The following MICU1 variants were observed in gnomAD, a reference collection of about 807,000 sequenced individuals.
MICU1 encodes calcium uptake protein 1, mitochondrial.
MICU1 carries 45 observed loss-of-function variants against 56.8 expected under a neutral mutation model. The ratio of observed to expected loss-of-function variants is 0.79; its 90% CI spans 0.62 to 1.02. MICU1 has a LOEUF of 1.02. Ranked by LOEUF, MICU1 falls within the 50% of genes least tolerant of loss-of-function variation. The pLI, the probability that MICU1 is intolerant of heterozygous loss-of-function variation, is 0.00. For synonymous variants in MICU1, 186 were observed against 195.1 expected (o/e 0.95, Z 0.39); for missense variants, 504 against 587.1 (o/e 0.86, Z 1.46).
At chr10:72,449,980 G>A (rs199517219) in intron 8 of MICU1, among the ~76,000 whole-genome samples, 3 of 152,120 alleles carry the variant, frequency 2.0e-5, no homozygotes, top group Non-Finnish European at 1.5e-5. Flanking sequence ...CCAGGCTTTC[G>A]TCCACATCTG....
At position 72,434,745 on chromosome 10, in the gene MICU1, C is replaced by T. The variant is rs536249284; in HGVS notation, c.934-11374G>A. 2.6e-5 allele frequency among the ~76,000 whole-genome samples: 4 copies of T among 152,326 alleles called. No homozygotes were observed. In the East Asian group the frequency reaches 5.8e-4, roughly 22 times the overall value. On this transcript the variant is annotated intron_variant, in intron 8 of 11. Transcript: ENST00000361114. ...TTTCTCTCACCTGAGTGCCAGTTTG[C>T]TTTCCTCTAACTCCATCAAAGAGCA...
intron 8 of MICU1, among the ~76,000 whole-genome samples, chr10:72,454,503 C>T (rs1369933528): frequency 2.0e-5 from 3 of 150,506 alleles, no homozygotes; most frequent in Non-Finnish European, 3.0e-5. Context: ...TAGTCATGGG[C>T]CAGGCACGGT....
At chr10:72,507,137 T>C (rs1487228943) in intron 6 of MICU1, among the ~76,000 whole-genome samples, 1 of 151,928 alleles carries the variant, frequency 6.6e-6, no homozygotes, top group African/African-American at 2.4e-5. Flanking sequence ...AAGAGAGGGT[T>C]ATTTTTGTTT....
chr10:72,603,063 T>A (rs1422816047), intron 1 of MICU1, among the ~76,000 whole-genome samples: 1 of 151,986 alleles, frequency 6.6e-6, no homozygotes, highest in Non-Finnish European at 1.5e-5. Flanking sequence ...AATGAGATCC[T>A]GTCTTGCAGT....
intron 8 of MICU1, among the ~76,000 whole-genome samples, chr10:72,440,772 C>G (rs1864895097): frequency 6.6e-6 from 1 of 152,090 alleles, no homozygotes; most frequent in Non-Finnish European, 1.5e-5. Flanking sequence ...AAGAAGACAT[C>G]TATACAGCCA....
rs180809939 is a variant in MICU1, at chr10:72,460,498, C to T, written c.933+14602G>A. 3.4e-4 allele frequency among the ~76,000 whole-genome samples: 52 copies of T among 152,178 alleles called. No homozygotes were observed. In the Middle Eastern group the frequency reaches 0.014, roughly 40 times the overall value. Reference sequence around the variant, plus strand: ...ATTATGGGTGGGGAGGGAGAAAAGGCATCCAATAATAAGAAAAATAATGAG... The same window carrying T: ...ATTATGGGTGGGGAGGGAGAAAAGGTATCCAATAATAAGAAAAATAATGAG... On this transcript the variant is annotated intron_variant, in intron 8 of 11. Coordinates refer to ENST00000361114, the MANE Select transcript of MICU1 (RefSeq NM_001195518.2).
chr10:72,484,488 G>C (rs1367631657), intron 6 of MICU1, among the ~76,000 whole-genome samples: 1 of 152,046 alleles, frequency 6.6e-6, no homozygotes, highest in Non-Finnish European at 1.5e-5. Flanking sequence ...GTTGTATCAT[G>C]ATTCTCCACA....
chr10:72,488,069 G>C (rs774230291), intron 6 of MICU1, among the ~76,000 whole-genome samples: 1 of 151,806 alleles, frequency 6.6e-6, no homozygotes, highest in Non-Finnish European at 1.5e-5. Flanking sequence ...GGTGGCACAT[G>C]CCTGTAATCC....
chr10:72,385,392 A>C (rs1274495214), intron 10 of MICU1, among the ~76,000 whole-genome samples: 1 of 152,072 alleles, frequency 6.6e-6, no homozygotes, highest in East Asian at 1.9e-4. Context: ...TGGGAGGCTG[A>C]GACAGGAGAA....
intron 4 of MICU1, among the ~76,000 whole-genome samples, chr10:72,547,857 AG>A: frequency 6.6e-6 from 1 of 152,296 alleles, no homozygotes; most frequent in East Asian, 1.9e-4. Context: ...AAAGTGAAAC[AG>A]GTCAGCAGAA....
At chr10:72,433,573 G>A (rs1195535883) in intron 8 of MICU1, among the ~76,000 whole-genome samples, 3 of 151,820 alleles carry the variant, frequency 2.0e-5, no homozygotes, top group African/African-American at 4.8e-5. Flanking sequence ...GACTACAGGC[G>A]CCTGCCACCA....
intron 7 of MICU1, 115 bp downstream of exon 7, chr10:72,477,059 T>C: frequency 1.5e-6 from 1 of 662,848 alleles, no homozygotes; most frequent in Non-Finnish European, 2.4e-6. Flanking sequence ...TTTTAGGTAC[T>C]TCAAAAATTG....
At chr10:72,516,596 CGAGTT>C (rs1867652754) in intron 5 of MICU1, among the ~76,000 whole-genome samples, 1 of 151,938 alleles carries the variant, frequency 6.6e-6, no homozygotes. Flanking sequence ...TAATCCATCT[CGAGTT>C]AATTTTTGTA....
chr10:72,376,686 G>C (rs149228989), intron 10 of MICU1, among the ~76,000 whole-genome samples: 410 of 152,202 alleles, frequency 2.7e-3, no homozygotes, highest in African/African-American at 9.4e-3. Context: ...ACAGAAAGTA[G>C]ATTAGAGGTT....
chr10:72,426,210 G>A (rs888846386), intron 8 of MICU1, among the ~76,000 whole-genome samples: 7 of 152,014 alleles, frequency 4.6e-5, no homozygotes, highest in Non-Finnish European at 1.0e-4. Context: ...TAGAGACAAG[G>A]TTTCACTATA....
intron 8 of MICU1, among the ~76,000 whole-genome samples, chr10:72,426,339 A>C (rs141651357): frequency 1.5e-4 from 22 of 151,228 alleles, no homozygotes; most frequent in Non-Finnish European, 2.5e-4. Flanking sequence ...AAATTTCTTG[A>C]GCACCAACAC....
chr10:72,610,145 C>T (rs1022923159), intron 1 of MICU1, among the ~76,000 whole-genome samples: 2 of 151,264 alleles, frequency 1.3e-5, no homozygotes, highest in East Asian at 3.9e-4. Flanking sequence ...CCTGTAGTCC[C>T]AGCTACTCAG....
intron 8 of MICU1, among the ~76,000 whole-genome samples, chr10:72,467,525 G>A (rs916232263): frequency 2.6e-5 from 4 of 151,864 alleles, no homozygotes; most frequent in African/African-American, 7.3e-5. Flanking sequence ...TCGCCATGTT[G>A]GCCAGGCTGG....
chr10:72,406,422 C>A (rs1258028348), intron 10 of MICU1, among the ~76,000 whole-genome samples: 3 of 152,066 alleles, frequency 2.0e-5, no homozygotes, highest in African/African-American at 7.2e-5. Context: ...GATCTACATA[C>A]TCAATGTTAC....
Sources: allele counts gnomAD v4.1 joint callset (sites outside exome capture counted in the v4.1 genomes callset), GRCh38; gene constraint gnomAD v4.1.1; transcripts MANE v1.5; gene names NCBI Gene and HGNC (gene_info 2026-07-23, HGNC 2026-07-21).